The following RAB23 variants were observed in gnomAD, a reference collection of about 807,000 sequenced individuals.
RAB23 encodes the protein RAB23, member RAS oncogene family, also known as ras-related protein Rab-23.
A neutral mutation model predicts 30.0 loss-of-function variants in RAB23; 15 were observed. The ratio of observed to expected loss-of-function variants is 0.50; its 90% CI spans 0.33 to 0.77. RAB23 has a LOEUF of 0.77. Among genes scored for constraint, RAB23 ranks in the 30% least tolerant of loss-of-function variants. RAB23 has a pLI of 0.02. For synonymous variants in RAB23, 93 were observed against 94.0 expected (o/e 0.99, Z 0.06); for missense variants, 243 against 275.4 (o/e 0.88, Z 0.83).
intron 5 of RAB23, among the ~76,000 whole-genome samples, chr6:57,194,175 A>G (rs1764938512): frequency 6.6e-6 from 1 of 152,058 alleles, no homozygotes; most frequent in South Asian, 2.1e-4. Flanking sequence ...ACTTGTAATG[A>G]TTGGCTCTTC....
chr6:57,198,264 T>G (rs1233980092), intron 3 of RAB23, among the ~76,000 whole-genome samples: 1 of 152,104 alleles, frequency 6.6e-6, no homozygotes, highest in African/African-American at 2.4e-5. Flanking sequence ...TAAAAAAAAT[T>G]ATGTAATCAT....
At chr6:57,220,303 G>T (rs1012067200) in intron 1 of RAB23, among the ~76,000 whole-genome samples, 14 of 152,202 alleles carry the variant, frequency 9.2e-5, no homozygotes, top group African/African-American at 2.9e-4. Flanking sequence ...CATGTTGCTT[G>T]TGGGAATGCA....
At chr6:57,216,201 G>A (rs952491212) in intron 1 of RAB23, among the ~76,000 whole-genome samples, 1 of 152,184 alleles carries the variant, frequency 6.6e-6, no homozygotes, top group Non-Finnish European at 1.5e-5. Context: ...TAGATGTGTA[G>A]TAGGCTATAC....
chr6:57,195,331 C>T (rs142615125), intron 4 of RAB23, among the ~76,000 whole-genome samples: 494 of 152,262 alleles, frequency 3.2e-3, no homozygotes, highest in Non-Finnish European at 5.0e-3. Context: ...AAGCCAAAGT[C>T]AGTATATTAA....
At chr6:57,199,124 C>T (rs1307589944) in intron 3 of RAB23, among the ~76,000 whole-genome samples, 7 of 152,244 alleles carry the variant, frequency 4.6e-5, no homozygotes, top group Admixed American at 2.0e-4. Flanking sequence ...TCCCCTCAAC[C>T]GGGCTTCAGC....
chr6:57,197,372 C>A (rs1054007256), intron 3 of RAB23, among the ~76,000 whole-genome samples: 15 of 152,068 alleles, frequency 9.9e-5, no homozygotes, highest in Non-Finnish European at 2.2e-4. Flanking sequence ...TAAGCAGAAA[C>A]CTCTTAGAAG....
chr6:57,208,107 CTTTCGGATGTTGATATCA>C (rs1765513106), intron 2 of RAB23, among the ~76,000 whole-genome samples: 1 of 152,180 alleles, frequency 6.6e-6, no homozygotes, highest in African/African-American at 2.4e-5. Context: ...AAACTGAGTA[CTTTCGGATGTTGATATCA>C]TTATCAACAG....
chr6:57,219,241 T>C (rs990811050), intron 1 of RAB23, among the ~76,000 whole-genome samples: 2 of 152,114 alleles, frequency 1.3e-5, no homozygotes, highest in African/African-American at 4.8e-5. Flanking sequence ...TTACAATAGC[T>C]CCAAAAACAT....
chr6:57,196,353 T>C (rs1049610119), intron 4 of RAB23, 97 bp downstream of exon 4: 13 of 1,407,988 alleles, frequency 9.2e-6, no homozygotes, highest in Admixed American at 6.9e-5. Context: ...AATGAAAGTA[T>C]AGAATTTTTC....
intron 1 of RAB23, among the ~76,000 whole-genome samples, chr6:57,211,465 A>C (rs906766110): frequency 6.6e-6 from 1 of 152,134 alleles, no homozygotes; most frequent in African/African-American, 2.4e-5. Flanking sequence ...GTCTCTAAAA[A>C]AAATTAAAAT....
chr6:57,217,976 A>G (rs1300798669), intron 1 of RAB23, among the ~76,000 whole-genome samples: 3 of 152,190 alleles, frequency 2.0e-5, no homozygotes, highest in Non-Finnish European at 4.4e-5. Context: ...GACAACCCAG[A>G]CAAAATGAAC....
intron 1 of RAB23, among the ~76,000 whole-genome samples, chr6:57,216,337 A>G (rs1271366436): frequency 1.3e-5 from 2 of 152,272 alleles, no homozygotes; most frequent in East Asian, 1.9e-4. Flanking sequence ...CACTAAAACA[A>G]TAATACAAGC....
At chr6:57,220,364 A>G (rs1355466714) in intron 1 of RAB23, among the ~76,000 whole-genome samples, 3 of 152,238 alleles carry the variant, frequency 2.0e-5, no homozygotes, top group African/African-American at 7.2e-5. Flanking sequence ...TAAAAGTTAA[A>G]CATACATTTA....
chr6:57,194,659 G>T (rs1764954297), intron 5 of RAB23, 111 bp downstream of exon 5: 4 of 768,412 alleles, frequency 5.2e-6, no homozygotes, highest in Non-Finnish European at 8.4e-6. Flanking sequence ...TTAATGTTAG[G>T]TGACAAAAAA....
chr6:57,196,547 A>C lies in RAB23; in HGVS notation c.301T>G (p.Ser101Ala), dbSNP rs45479896. The C allele has an allele frequency of 6.9e-3, 11,138 of 1,614,042 alleles. 62 individuals carry two copies. Among genetic ancestry groups the C allele is most frequent in the Non-Finnish European group, 7.8e-3 (9,246 of 1,179,966 alleles). The change falls in exon 4 of 7, where the codon TCC becomes GCC. Residue 101 changes from serine to alanine, a missense_variant. Coordinates refer to ENST00000468148, the MANE Select transcript of RAB23 (RefSeq NM_016277.5). Reference sequence around the variant, plus strand: ...GCTACTACTTTCTCTCTCCAACTGGAAACTGCTTCAAAAGATTCCCTATCT... The same window carrying C: ...GCTACTACTTTCTCTCTCCAACTGGCAACTGCTTCAAAAGATTCCCTATCT... ...TTDRESFEAV[S>A]SWREKVVAEV...
chr6:57,220,806 TA>T (rs907605096), intron 1 of RAB23, among the ~76,000 whole-genome samples: 7 of 152,052 alleles, frequency 4.6e-5, no homozygotes, highest in Non-Finnish European at 8.8e-5. Context: ...TACATGAGTC[TA>T]AAATTCGCAG....
intron 3 of RAB23, among the ~76,000 whole-genome samples, chr6:57,205,877 C>G (rs924144695): frequency 2.0e-5 from 3 of 152,060 alleles, no homozygotes; most frequent in Non-Finnish European, 2.9e-5. Flanking sequence ...ACTATTTTCT[C>G]AAAGAAGAGT....
chr6:57,209,185 T>C (rs1765557353), intron 2 of RAB23, among the ~76,000 whole-genome samples: 1 of 152,206 alleles, frequency 6.6e-6, no homozygotes, highest in South Asian at 2.1e-4. Context: ...AGCAGACTTG[T>C]TTGATGACCT....
chr6:57,199,952 T>C (rs1206705915), intron 3 of RAB23, among the ~76,000 whole-genome samples: 2 of 152,194 alleles, frequency 1.3e-5, no homozygotes, highest in African/African-American at 4.8e-5. Context: ...CATGGTTCTT[T>C]TATGTTTGGA....
Sources: allele counts gnomAD v4.1 joint callset (sites outside exome capture counted in the v4.1 genomes callset), GRCh38; gene constraint gnomAD v4.1.1; transcripts MANE v1.5; gene names NCBI Gene and HGNC (gene_info 2026-07-23, HGNC 2026-07-21).